STARD9: variants seen among roughly 807,000 people sequenced by gnomAD.
The protein encoded by STARD9 is stAR-related lipid transfer protein 9.
STARD9 carries 346 observed loss-of-function variants against 399.8 expected under a neutral mutation model. The observed-to-expected ratio is 0.87, with a 90% CI of 0.79 to 0.95. The LOEUF (loss-of-function observed/expected upper bound fraction) is 0.95. STARD9 is among the 40% of genes least tolerant of loss of function. STARD9 has a pLI of 0.00. For missense variants in STARD9, 5,832 were observed against 5,667.5 expected, an observed-to-expected ratio of 1.03 and a Z score of -0.93; for synonymous variants, 2,203 against 2,143.5, an observed-to-expected ratio of 1.03 and a Z score of -0.77.
chr15:42,662,974 CAG>C lies in STARD9; in HGVS notation c.868+84_868+85del, dbSNP rs967969803. 4.7e-6 allele frequency: 5 copies of C among 1,060,394 alleles called. No homozygotes were observed. In the African/African-American group the frequency reaches 7.9e-5, roughly 17 times the overall value. The allele number at this position is 1,060,394 out of a possible 1,614,324, so 65.7% of individuals were successfully genotyped here. On this transcript the variant is annotated intron_variant, in intron 11 of 32. Coordinates refer to ENST00000290607, the MANE Select transcript of STARD9 (RefSeq NM_020759.3). ...TCATTTTGTCGCAATAGGGTAGACA[CAG>C]GGTTCCTTTTGATAAGGTTACCTTC...
chr15:42,658,682 C>T lies in STARD9; in HGVS notation c.703-2476C>T, dbSNP rs575130216. Among the ~76,000 whole-genome samples, 69 of 150,088 alleles carry T rather than the reference C, an allele frequency of 4.6e-4. 1 individual carries two copies. Among genetic ancestry groups the T allele is most frequent in the African/African-American group, 1.5e-3 (62 of 40,736 alleles). On this transcript the variant is annotated intron_variant, in intron 9 of 32. Transcript: ENST00000290607. ...ATTTTTAGTAGAGACGGGGTTTCAC[C>T]GTGTCGGCCAGGCTGGTCTTGAACT...
chr15:42,605,480 G>A (rs2058708297), intron 3 of STARD9, among the ~76,000 whole-genome samples: 1 of 152,196 alleles, frequency 6.6e-6, no homozygotes, highest in Non-Finnish European at 1.5e-5. Context: ...TTTCAGGGCA[G>A]AAGCAGTGCA....
chr15:42,616,284 T>C (rs2058961271), intron 3 of STARD9, among the ~76,000 whole-genome samples: 1 of 151,788 alleles, frequency 6.6e-6, no homozygotes, highest in African/African-American at 2.4e-5. Flanking sequence ...CAAATGGGAG[T>C]GGGATCAGAT....
intron 22 of STARD9, 40 bp downstream of exon 22, chr15:42,682,615 G>A: frequency 6.9e-7 from 1 of 1,459,224 alleles, no homozygotes; most frequent in Non-Finnish European, 9.1e-7. Flanking sequence ...CTCGGTTAAA[G>A]TTTACAACCT....
At position 42,688,777 on chromosome 15, in the gene STARD9, C is replaced by T. The variant is rs1336246204; in HGVS notation, c.7199C>T (p.Ser2400Phe). The T allele has an allele frequency of 2.0e-6, 3 of 1,537,526 alleles. No individual in the cohort carries two copies. Among genetic ancestry groups the T allele is most frequent in the South Asian group, 2.4e-5 (2 of 84,054 alleles). ...CCCGAAGGAAATGTTAGAGGGCGTT[C>T]CTCTGAGGCACACACTGCCTGGTGT... ...HSPEGNVRGR[S>F]SEAHTAWCGS... The change falls in exon 23 of 33, where the codon TCC becomes TTC. Residue 2400 changes from serine to phenylalanine, a missense_variant. Coordinates refer to ENST00000290607, the MANE Select transcript of STARD9 (RefSeq NM_020759.3).
chr15:42,634,874 A>G lies in STARD9; in HGVS notation c.253A>G (p.Met85Val). ...SQDVVFQDLG[M>V]EVLSGVAKGY... The stretch of plus-strand genomic sequence containing the variant: ...GTTACAGGTTTTCCAGGATTTAGGG[A>G]TGGAAGTACTGTCTGGAGTTGCCAA... Residue 85 changes from methionine (M) to valine (V), a missense_variant, in exon 4 of 33, where the codon ATG becomes GTG. Transcript: ENST00000290607. The G allele has an allele frequency of 2.6e-6, 4 of 1,533,266 alleles. No homozygotes were observed. Among genetic ancestry groups the G allele is most frequent in the East Asian group, 2.5e-5 (1 of 40,768 alleles). The allele number at this position is 1,533,266 out of a possible 1,614,324, so 95.0% of individuals were successfully genotyped here.
At chr15:42,699,733 A>G (rs1224270366) in intron 26 of STARD9, among the ~76,000 whole-genome samples, 1 of 151,334 alleles carries the variant, frequency 6.6e-6, no homozygotes, top group Non-Finnish European at 1.5e-5. Context: ...TTGAGGCAGA[A>G]TCTCACTCTG....
intron 31 of STARD9, 49 bp from the exon 32 acceptor site, chr15:42,718,703 G>GT (rs2061396483): frequency 6.5e-7 from 1 of 1,527,462 alleles, no homozygotes; most frequent in African/African-American, 1.4e-5. Context: ...GCCTGTTCCT[G>GT]TTTTGTCCAC....
chr15:42,687,854 G>A lies in STARD9; in HGVS notation c.6276G>A (p.Gln2092=), dbSNP rs538686804. The change falls in exon 23 of 33, where the codon CAG becomes CAA. Residue 2092 remains glutamine (Q), a synonymous_variant. Transcript: ENST00000290607. ...KELVFQDQKE[Q]EKTDHAFRPD... ...TGGTGTTCCAGGACCAGAAGGAGCA[G>A]GAGAAGACTGACCATGCCTTTAGGC... 1.2e-5 allele frequency: 19 copies of A among 1,537,216 alleles called. No homozygotes were observed. The African/African-American group carries it at 2.2e-4, about 18-fold the overall frequency.
In STARD9 at chr15:42,694,276, G is replaced by C. The variant is rs2060788968; in HGVS notation, c.12698G>C (p.Ser4233Thr). 1.3e-6 allele frequency: 2 copies of C among 1,522,854 alleles called. No homozygotes were observed. The highest frequency in any genetic ancestry group is 1.8e-6 in the Non-Finnish European group (2 of 1,139,518). 94.3% of individuals were successfully genotyped at this position (1,522,854 alleles called of 1,614,324 possible). ...EADALLQVLQ[S>T]GTGEALAADE... is the part of the protein sequence containing the mutation. Reference sequence around the variant, plus strand: ...GATGCCCTGCTCCAGGTGCTGCAGAGTGGGACAGGGGAGGCGCTTGCTGCT... The same window carrying C: ...GATGCCCTGCTCCAGGTGCTGCAGACTGGGACAGGGGAGGCGCTTGCTGCT... Residue 4233 changes from serine (S) to threonine (T), a missense_variant, in exon 23 of 33, where the codon AGT becomes ACT. Ser to Thr is a moderately conservative substitution (Grantham distance 58). Coordinates refer to ENST00000290607, the MANE Select transcript of STARD9 (RefSeq NM_020759.3).
intron 16 of STARD9, among the ~76,000 whole-genome samples, chr15:42,674,210 A>AT (rs1213183239): frequency 6.6e-6 from 1 of 152,172 alleles, no homozygotes; most frequent in Admixed American, 6.5e-5. Context: ...TTTGTGGTAT[A>AT]TTTTTTAGCT....
At chr15:42,679,828 A>G (rs1227776386) in intron 20 of STARD9, among the ~76,000 whole-genome samples, 1 of 152,206 alleles carries the variant, frequency 6.6e-6, no homozygotes, top group Non-Finnish European at 1.5e-5. Context: ...ATTTGGACTC[A>G]TAGGCTTTCA....
chr15:42,669,391 G>A (rs930218713), intron 16 of STARD9, 54 bp downstream of exon 16: 2 of 1,434,172 alleles, frequency 1.4e-6, no homozygotes, highest in African/African-American at 2.8e-5. Context: ...CAGAGGTCAA[G>A]GAGGGAAAAG....
At chr15:42,664,715 A>G (rs886332401) in intron 13 of STARD9, among the ~76,000 whole-genome samples, 7 of 151,654 alleles carry the variant, frequency 4.6e-5, no homozygotes, top group African/African-American at 1.7e-4. Context: ...ATTTTTCTCT[A>G]TGCAAATTGC....
chr15:42,646,142 C>T (rs1268856328), intron 7 of STARD9, among the ~76,000 whole-genome samples: 1 of 152,016 alleles, frequency 6.6e-6, no homozygotes, highest in African/African-American at 2.4e-5. Context: ...GCCTGGTGAA[C>T]AAGAGTGAAA....
chr15:42,684,016 CTA>C, intron 22 of STARD9, 98 bp from the exon 23 acceptor site: 4 of 1,318,354 alleles, frequency 3.0e-6, no homozygotes, highest in Non-Finnish European at 4.1e-6. Context: ...GGTCTGAAGT[CTA>C]TAGGAGACAG....
chr15:42,688,455 A>G lies in STARD9; in HGVS notation c.6877A>G (p.Thr2293Ala). Residue 2293 changes from threonine to alanine, a missense_variant, in exon 23 of 33, where the codon ACT becomes GCT. Physicochemically the swap from Thr to Ala is moderately conservative, Grantham distance 58 (BLOSUM62 0). Coordinates refer to ENST00000290607, the MANE Select transcript of STARD9 (RefSeq NM_020759.3). ...CAGCCTTCAGGAAGAAAATAAAGTGACTCAGAAATTTCCTAGTCTCAGCCA... is the reference window on the plus strand; with the variant it reads ...CAGCCTTCAGGAAGAAAATAAAGTGGCTCAGAAATTTCCTAGTCTCAGCCA... ...GGSLQEENKVTQKFPSLSQLC... is the reference protein window; with the variant it reads ...GGSLQEENKVAQKFPSLSQLC... 1 of 1,537,686 alleles carries G rather than the reference A, an allele frequency of 6.5e-7. No homozygotes were observed. The highest frequency in any genetic ancestry group is 8.7e-7 in the Non-Finnish European group (1 of 1,147,024).
At chr15:42,586,996 C>T (rs567692674) in intron 3 of STARD9, among the ~76,000 whole-genome samples, 6 of 152,194 alleles carry the variant, frequency 3.9e-5, no homozygotes, top group African/African-American at 1.2e-4. Flanking sequence ...GCTGGGACTA[C>T]AGGTGTGTGC....
chr15:42,686,710 GAC>G lies in STARD9; in HGVS notation c.5136_5137del (p.Ile1713LysfsTer84). On this transcript the variant is annotated frameshift_variant, in exon 23 of 33. Transcript: ENST00000290607. LOFTEE classifies it high-confidence loss of function. ...GAGAGCTCTAAGGAAGCAGTTAGAA[GAC>G]ACATAAATGTTTCCTTTGCCCTTCC... 2 of 1,537,712 alleles carry G rather than the reference GAC, an allele frequency of 1.3e-6. No individual in the cohort carries two copies. Among genetic ancestry groups the G allele is most frequent in the Non-Finnish European group, 1.7e-6 (2 of 1,147,014 alleles).
Sources: allele counts gnomAD v4.1 joint callset (sites outside exome capture counted in the v4.1 genomes callset), GRCh38; gene constraint gnomAD v4.1.1; transcripts MANE v1.5; gene names NCBI Gene and HGNC (gene_info 2026-07-23, HGNC 2026-07-21).